NAGK: variants seen among roughly 807,000 people sequenced by gnomAD.
The protein encoded by NAGK is N-acetyl-D-glucosamine kinase.
In NAGK, 35 loss-of-function variants were observed where a neutral mutation model predicts 42.9. The observed-to-expected ratio is 0.82, with a 90% confidence interval of 0.62 to 1.08. NAGK has a LOEUF of 1.08. NAGK is among the 50% of genes least tolerant of loss of function. NAGK has a pLI of 0.00. For synonymous variants in NAGK, 172 were observed against 176.0 expected, an observed-to-expected ratio of 0.98 and a Z score of 0.18; for missense variants, 446 against 446.0, an observed-to-expected ratio of 1.00 and a Z score of 0.00.
chr2:71,068,993 T>G, intron 1 of NAGK: 1 of 1,211,604 alleles, frequency 8.3e-7, no homozygotes, highest in South Asian at 2.8e-5. Context: ...CTCCGCTGTC[T>G]TCAGCTGGAG....
In NAGK at chr2:71,077,652, G is replaced by T; in HGVS notation, c.844+16G>T. On this transcript the variant is annotated intron_variant, in intron 9 of 9. Transcript: ENST00000244204. ...CTGAAGGAAGGTGAGCCTGGGGGGA[G>T]GCTGGAAGGGCAAGGGCAGGGGACG... 15 of 1,594,968 alleles carry T rather than the reference G, an allele frequency of 9.4e-6. No homozygotes were observed. Among genetic ancestry groups the T allele is most frequent in the Non-Finnish European group, 1.3e-5 (15 of 1,170,554 alleles).
chr2:71,073,930 C>T (rs563373953), intron 6 of NAGK, among the ~76,000 whole-genome samples: 9 of 152,264 alleles, frequency 5.9e-5, no homozygotes, highest in Admixed American at 2.6e-4. Flanking sequence ...GATGAGATCA[C>T]AGGGCAGAGA....
chr2:71,070,063 G>C (rs1671941035), intron 1 of NAGK: 1 of 173,994 alleles, frequency 5.7e-6, no homozygotes, highest in African/African-American at 2.4e-5. Flanking sequence ...TGCTCGTTCT[G>C]AGAGGGTAAG....
upstream of NAGK, chr2:71,068,456 C>T (rs946027537): frequency 7.2e-7 from 1 of 1,383,164 alleles, no homozygotes; most frequent in Admixed American, 3.5e-5. Flanking sequence ...CGCTGCGGAC[C>T]GCAGTCGCTC....
chr2:71,075,520 T>TTCA lies in NAGK; in HGVS notation c.580-33_580-32insATC, dbSNP rs760547853. The TTCA allele has an allele frequency of 3.2e-6, 5 of 1,548,866 alleles. No individual in the cohort carries two copies. The East Asian group carries it at 1.1e-4, about 35-fold the overall frequency. Reference sequence around the variant, plus strand: ...GGGCAGATTGGGGATTTTCCTTTGCTTCTGATGACTCTCTTGTGCCCTTTC... The same window carrying TTCA: ...GGGCAGATTGGGGATTTTCCTTTGCTTCATCTGATGACTCTCTTGTGCCCTTTC... On this transcript the variant is annotated intron_variant, in intron 6 of 9. Transcript: ENST00000244204.
intron 1 of NAGK, 99 bp from the exon 2 acceptor site, chr2:71,070,403 T>G: frequency 1.0e-6 from 1 of 963,434 alleles, no homozygotes; most frequent in Non-Finnish European, 1.6e-6. Flanking sequence ...CGAAGCTGTC[T>G]CCTCCATCAT....
intron 8 of NAGK, 120 bp from the exon 9 acceptor site, chr2:71,077,438 A>G: frequency 3.4e-6 from 3 of 892,742 alleles, no homozygotes; most frequent in South Asian, 1.6e-5. Flanking sequence ...GAGTCTGTCT[A>G]CTGTTTCTTG....
Position 71,078,731 on chromosome 2 carries a change from C to T in NAGK, c.*223C>T. 1 of 556,064 alleles carries T rather than the reference C, an allele frequency of 1.8e-6. No homozygotes were observed. The highest frequency in any genetic ancestry group is 4.9e-4 in the Middle Eastern group (1 of 2,034). The allele number at this position is 556,064 out of a possible 1,614,324, so 34.4% of individuals were successfully genotyped here. The stretch of plus-strand genomic sequence containing the variant: ...GGAGGGCTCATGAGTGAATTTAGTC[C>T]AAGATTTAAAGCCCTGCCCCCAGGT... On this transcript the variant is annotated 3_prime_UTR_variant, in exon 10 of 10. Coordinates refer to ENST00000244204, the MANE Select transcript of NAGK (RefSeq NM_017567.6).
chr2:71,069,074 T>A, intron 1 of NAGK: 1 of 1,032,810 alleles, frequency 9.7e-7, no homozygotes, highest in Non-Finnish European at 1.2e-6. Context: ...GTGAAATTGC[T>A]GAGCGCGGGC....
intron 9 of NAGK, 58 bp from the exon 10 acceptor site, chr2:71,078,259 TG>T: frequency 6.5e-7 from 1 of 1,548,126 alleles, no homozygotes; most frequent in South Asian, 1.1e-5. Flanking sequence ...TCTTCCTTCC[TG>T]GCCCCAGTAC....
intron 8 of NAGK, 85 bp from the exon 9 acceptor site, chr2:71,077,473 G>C: frequency 7.7e-7 from 1 of 1,301,950 alleles, no homozygotes; most frequent in Non-Finnish European, 1.1e-6. Context: ...AACTGGGATA[G>C]AGTGGGTTGG....
chr2:71,075,488 C>T, intron 6 of NAGK, 67 bp from the exon 7 acceptor site: 1 of 1,327,936 alleles, frequency 7.5e-7, no homozygotes, highest in East Asian at 2.3e-5. Flanking sequence ...GGAAGGCCAA[C>T]TTTGGTGGGC....
intron 6 of NAGK, 42 bp downstream of exon 6, chr2:71,073,636 G>A (rs370069102): frequency 2.0e-6 from 3 of 1,495,606 alleles, no homozygotes; most frequent in African/African-American, 2.8e-5. Context: ...CCTGGGGTAG[G>A]GCAGTGAAAC....
chr2:71,068,476 G>A (rs1364407787), upstream of NAGK: 2 of 1,407,742 alleles, frequency 1.4e-6, no homozygotes, highest in Non-Finnish European at 1.8e-6. Context: ...CCACCTGGAG[G>A]AGACACCAGA....
chr2:71,073,532 A>G lies in NAGK; in HGVS notation c.517A>G (p.Asn173Asp), dbSNP rs1022300452. The G allele has an allele frequency of 1.2e-6, 2 of 1,613,976 alleles. No individual in the cohort carries two copies. The highest frequency in any genetic ancestry group is 1.7e-6 in the Non-Finnish European group (2 of 1,180,014). ...AVKIVFDSID[N>D]LEAAPHDIGY... ...GAAAATAGTGTTTGACTCCATTGACAACCTAGAGGCGGCTCCTCATGATAT... is the reference window on the plus strand; with the variant it reads ...GAAAATAGTGTTTGACTCCATTGACGACCTAGAGGCGGCTCCTCATGATAT... The change falls in exon 6 of 10, where the codon AAC (asparagine) becomes GAC (aspartate). Residue 173 changes from asparagine to aspartate, a missense_variant. Coordinates refer to ENST00000244204, the MANE Select transcript of NAGK (RefSeq NM_017567.6).
At chr2:71,077,753 A>G in intron 9 of NAGK, 117 bp downstream of exon 9, 1 of 1,101,766 alleles carries the variant, frequency 9.1e-7, no homozygotes, top group Admixed American at 2.1e-5. Context: ...AGGCCTAGAC[A>G]GGCCACTGAT....
Position 71,078,762 on chromosome 2 carries a change from G to T in NAGK, c.*254G>T. ...TTAAAGCCCTGCCCCCAGGTGCTCA[G>T]CCTGTGATCTGTATCCACTCAGCAT... On this transcript the variant is annotated 3_prime_UTR_variant, in exon 10 of 10. Coordinates refer to ENST00000244204, the MANE Select transcript of NAGK (RefSeq NM_017567.6). 4.3e-6 allele frequency: 2 copies of T among 461,934 alleles called. No individual in the cohort carries two copies. Among genetic ancestry groups the T allele is most frequent in the South Asian group, 2.8e-5 (1 of 35,148 alleles). 28.6% of individuals were successfully genotyped at this position (461,934 alleles called of 1,614,324 possible).
intron 9 of NAGK, 107 bp from the exon 10 acceptor site, chr2:71,078,211 T>C (rs2103725521): frequency 9.0e-7 from 1 of 1,115,946 alleles, no homozygotes; most frequent in East Asian, 2.4e-5. Context: ...CTCCAGCATC[T>C]CTACAGGAGT....
At chr2:71,075,880 G>C (rs990415777) in intron 7 of NAGK, 1 of 547,308 alleles carries the variant, frequency 1.8e-6, no homozygotes, top group Non-Finnish European at 3.3e-6. Flanking sequence ...ATCATGGCTT[G>C]CTTAGGCTGT....
Sources: allele counts gnomAD v4.1 joint callset (sites outside exome capture counted in the v4.1 genomes callset), GRCh38; gene constraint gnomAD v4.1.1; transcripts MANE v1.5; gene names NCBI Gene and HGNC (gene_info 2026-07-23, HGNC 2026-07-21).